MPP4: variants seen among roughly 807,000 people sequenced by gnomAD.
MPP4 encodes the protein MAGUK p55 scaffold protein 4.
Under a neutral mutation model 98.3 loss-of-function variants are expected in MPP4, and 91 were observed. The ratio of observed to expected loss-of-function variants is 0.93; its 90% CI spans 0.78 to 1.10. The LOEUF is 1.10. Among genes scored for constraint, MPP4 ranks in the 50% least tolerant of loss-of-function variants. The pLI is 0.00. For missense variants in MPP4, 744 were observed against 792.9 expected (o/e 0.94, Z 0.74); for synonymous variants, 261 against 271.8 (o/e 0.96, Z 0.39).
At chr2:201,674,957 C>G in intron 11 of MPP4, 1 of 615,328 alleles carries the variant, frequency 1.6e-6, no homozygotes, top group Non-Finnish European at 3.0e-6. Flanking sequence ...AGCTTCAACT[C>G]CCTATGATTT....
intron 3 of MPP4, among the ~76,000 whole-genome samples, chr2:201,692,043 G>A (rs973003327): frequency 6.6e-6 from 1 of 152,104 alleles, no homozygotes; most frequent in Non-Finnish European, 1.5e-5. Context: ...AAGAGCTGTG[G>A]GGAGAAAAGG....
At chr2:201,687,571 T>C (rs1688875461) in intron 4 of MPP4, among the ~76,000 whole-genome samples, 200 bp from the exon 5 acceptor site, 1 of 152,216 alleles carries the variant, frequency 6.6e-6, no homozygotes, top group Non-Finnish European at 1.5e-5. Flanking sequence ...TACTTTAATA[T>C]AGCAAATAGA....
chr2:201,688,354 T>C (rs1688899466), intron 4 of MPP4, among the ~76,000 whole-genome samples: 1 of 152,136 alleles, frequency 6.6e-6, no homozygotes. Flanking sequence ...ATGAAATGTG[T>C]AAGTAAAATA....
intron 18 of MPP4, chr2:201,650,726 A>G: frequency 8.1e-6 from 8 of 985,424 alleles, no homozygotes; most frequent in Non-Finnish European, 9.6e-6. Context: ...ATAGATTCTC[A>G]AATTTGAAAT....
chr2:201,670,339 A>G (rs1688307625), intron 11 of MPP4, among the ~76,000 whole-genome samples: 1 of 152,188 alleles, frequency 6.6e-6, no homozygotes, highest in African/African-American at 2.4e-5. Flanking sequence ...AATAATATTA[A>G]TTGAAGGATC....
intron 3 of MPP4, 115 bp downstream of exon 3, chr2:201,692,793 C>T: frequency 7.0e-7 from 1 of 1,430,280 alleles, no homozygotes; most frequent in Non-Finnish European, 9.3e-7. Flanking sequence ...ATATCAATTT[C>T]TGTTGTTTAT....
intron 17 of MPP4, among the ~76,000 whole-genome samples, chr2:201,655,874 G>A (rs925113345): frequency 2.6e-5 from 4 of 152,122 alleles, no homozygotes; most frequent in Admixed American, 6.5e-5. Flanking sequence ...TTAATGATCT[G>A]TCTGGGGAAA....
chr2:201,674,962 T>A (rs1451391957), intron 11 of MPP4: 2 of 622,978 alleles, frequency 3.2e-6, no homozygotes, highest in Non-Finnish European at 5.9e-6. Context: ...CAACTCCCTA[T>A]GATTTCGTCT....
chr2:201,667,369 T>G (rs1688211236), intron 12 of MPP4, among the ~76,000 whole-genome samples: 1 of 152,206 alleles, frequency 6.6e-6, no homozygotes, highest in South Asian at 2.1e-4. Context: ...GCAGAGCATT[T>G]TCTTCCTACT....
At chr2:201,662,329 C>T (rs1049715380) in intron 14 of MPP4, among the ~76,000 whole-genome samples, 3 of 149,660 alleles carry the variant, frequency 2.0e-5, no homozygotes, top group Non-Finnish European at 3.0e-5. Flanking sequence ...CATGGAAACC[C>T]GTCTCTACTA....
intron 18 of MPP4, among the ~76,000 whole-genome samples, chr2:201,654,134 C>T (rs1574600845): frequency 6.6e-6 from 1 of 152,078 alleles, no homozygotes; most frequent in Non-Finnish European, 1.5e-5. Flanking sequence ...CAGCACCACA[C>T]CCAGCTAATT....
At chr2:201,678,628 T>A (rs974674397) in intron 10 of MPP4, among the ~76,000 whole-genome samples, 1 of 152,114 alleles carries the variant, frequency 6.6e-6, no homozygotes, top group Non-Finnish European at 1.5e-5. Flanking sequence ...CAAGCTACCA[T>A]CCTGTCTTCA....
At chr2:201,651,351 A>G (rs1574598109) in intron 18 of MPP4, 1 of 985,238 alleles carries the variant, frequency 1.0e-6, no homozygotes, top group African/African-American at 1.7e-5. Flanking sequence ...GTTACATCAC[A>G]TCTCCCATAG....
Position 201,698,635 on chromosome 2 carries a change from A to G in MPP4, c.-149T>C, listed in dbSNP as rs1170954900. 7 of 1,301,828 alleles carry G rather than the reference A, an allele frequency of 5.4e-6. No individual in the cohort carries two copies. Among genetic ancestry groups the G allele is most frequent in the Non-Finnish European group, 7.1e-6 (7 of 988,152 alleles). The allele number at this position is 1,301,828 out of a possible 1,614,324, so 80.6% of individuals were successfully genotyped here. ...TTGCTCCTATCCAGACAAAAGCTTT[A>G]GTAGGATACTAGTGGCCTGTTAGCT... On this transcript the variant is annotated 5_prime_UTR_variant, in exon 1 of 22. Transcript: ENST00000409474.
chr2:201,654,650 A>G (rs1687806884), intron 18 of MPP4, among the ~76,000 whole-genome samples, 187 bp downstream of exon 18: 1 of 152,232 alleles, frequency 6.6e-6, no homozygotes, highest in African/African-American at 2.4e-5. Flanking sequence ...AAGCCCTTTT[A>G]AAAGCCAGCT....
At chr2:201,666,539 G>T in intron 12 of MPP4, 167 bp from the exon 13 acceptor site, 1 of 519,538 alleles carries the variant, frequency 1.9e-6, no homozygotes, top group Non-Finnish European at 3.4e-6. Flanking sequence ...TGACCGACAT[G>T]GTGAAACCAT....
At chr2:201,694,620 T>TC (rs1483046041) in intron 1 of MPP4, among the ~76,000 whole-genome samples, 1 of 137,806 alleles carries the variant, frequency 7.3e-6, no homozygotes, top group African/African-American at 2.7e-5. Flanking sequence ...TTTTTTTTTT[T>TC]TTTTTTTTTT....
Position 201,658,121 on chromosome 2 carries a change from A to G in MPP4, c.1129+356T>C, listed in dbSNP as rs540479462. The stretch of plus-strand genomic sequence containing the variant: ...CATGAGTGGTACCTGGTCCTTCACA[A>G]AGCTCTGCCCAGGTGACAGATGATA... On this transcript the variant is annotated intron_variant, in intron 16 of 21. Transcript: ENST00000409474. Among the ~76,000 whole-genome samples, 534 of 152,174 alleles carry G rather than the reference A, an allele frequency of 3.5e-3. 2 individuals are homozygous for G. Among genetic ancestry groups the G allele is most frequent in the African/African-American group, 0.012 (500 of 41,528 alleles).
intron 10 of MPP4, among the ~76,000 whole-genome samples, chr2:201,678,999 G>T (rs928572042): frequency 1.3e-5 from 2 of 151,962 alleles, no homozygotes; most frequent in African/African-American, 2.4e-5. Flanking sequence ...GCCTCCCATT[G>T]TCATACCCAA....
Sources: allele counts gnomAD v4.1 joint callset (sites outside exome capture counted in the v4.1 genomes callset), GRCh38; gene constraint gnomAD v4.1.1; transcripts MANE v1.5; gene names NCBI Gene and HGNC (gene_info 2026-07-23, HGNC 2026-07-21).